LSM12: variants seen among roughly 807,000 people sequenced by gnomAD.
LSM12 encodes LSM12 homolog.
For missense variants in LSM12, 108 were observed against 238.9 expected, an observed-to-expected ratio of 0.45 and a Z score of 3.61; for synonymous variants, 74 against 87.3, an observed-to-expected ratio of 0.85 and a Z score of 0.85.
intron 2 of LSM12, among the ~76,000 whole-genome samples, chr17:44,056,385 CTTGAGGCCAGGAGT>C (rs1471785558): frequency 6.6e-6 from 1 of 151,794 alleles, no homozygotes; most frequent in East Asian, 1.9e-4. Context: ...GGGAGGATCA[CTTGAGGCCAGGAGT>C]TTGAGACCAG....
At chr17:44,058,311 G>C (rs527252260) in intron 2 of LSM12, among the ~76,000 whole-genome samples, 18 of 152,046 alleles carry the variant, frequency 1.2e-4, no homozygotes, top group African/African-American at 4.3e-4. Flanking sequence ...CAAGTCTAAT[G>C]ACTTTAAAGA....
At chr17:44,066,775 A>G (rs554076581), upstream of LSM12, 1 of 706,720 alleles carries the variant, frequency 1.4e-6, no homozygotes, top group South Asian at 6.8e-5. Flanking sequence ...GGGGAATCTG[A>G]AAAGTATTTG....
At chr17:44,057,157 CT>C (rs754049528) in intron 2 of LSM12, among the ~76,000 whole-genome samples, 1,839 of 141,892 alleles carry the variant, frequency 0.013, 16 homozygotes, top group Admixed American at 0.023. Flanking sequence ...CTTTTTTTTT[CT>C]TTTTTTTTTG....
chr17:44,045,601 C>G lies in LSM12; in HGVS notation c.259-5345G>C, dbSNP rs1460888581. 5.7e-4 allele frequency among the ~76,000 whole-genome samples: 87 copies of G among 152,108 alleles called. 1 individual carries two copies. The highest frequency in any genetic ancestry group is 2.0e-3 in the African/African-American group (84 of 41,480). The stretch of plus-strand genomic sequence containing the variant: ...TTTTGTGTTTTCTGAAACAGAGTCT[C>G]ACTCTATCACCCAGGCTGGAATGTA... On this transcript the variant is annotated intron_variant, in intron 2 of 4. Coordinates refer to ENST00000293406, the MANE Select transcript of LSM12 (RefSeq NM_001371445.1).
chr17:44,061,030 G>A (rs1018963694), intron 2 of LSM12, among the ~76,000 whole-genome samples: 16 of 152,092 alleles, frequency 1.1e-4, no homozygotes, highest in Non-Finnish European at 2.1e-4. Flanking sequence ...AATACACTAG[G>A]AATAATGCTG....
intron 2 of LSM12, among the ~76,000 whole-genome samples, chr17:44,048,218 A>T (rs1384474772): frequency 6.6e-6 from 1 of 152,158 alleles, no homozygotes; most frequent in African/African-American, 2.4e-5. Flanking sequence ...GCAGTGGCTC[A>T]TGCTTGTAAT....
chr17:44,043,003 C>G (rs2049515449), intron 2 of LSM12, among the ~76,000 whole-genome samples: 1 of 152,116 alleles, frequency 6.6e-6, no homozygotes, highest in Admixed American at 6.6e-5. Flanking sequence ...ACGCCTGGCT[C>G]CAAGCATAGT....
intron 2 of LSM12, among the ~76,000 whole-genome samples, chr17:44,048,018 AACACACACAC>A (rs57164806): frequency 0.086 from 11,877 of 137,438 alleles, 1,205 homozygotes; most frequent in East Asian, 0.5. Flanking sequence ...GTCCGTATTA[AACACACACAC>A]ACACACACAC....
intron 2 of LSM12, among the ~76,000 whole-genome samples, chr17:44,044,723 G>C (rs1459476166): frequency 6.6e-6 from 1 of 152,166 alleles, no homozygotes; most frequent in African/African-American, 2.4e-5. Context: ...TCAAAATTGA[G>C]GGTGGGGAGA....
chr17:44,065,803 G>A (rs1430739810), intron 1 of LSM12, among the ~76,000 whole-genome samples: 1 of 152,004 alleles, frequency 6.6e-6, no homozygotes, highest in East Asian at 1.9e-4. Context: ...CAGGTTTCCA[G>A]TGCAAACATC....
chr17:44,049,629 A>C (rs1249717214), intron 2 of LSM12, among the ~76,000 whole-genome samples: 1 of 152,194 alleles, frequency 6.6e-6, no homozygotes, highest in East Asian at 1.9e-4. Flanking sequence ...GCACGCAGTG[A>C]CATGGAAGGA....
At chr17:44,065,740 T>C in intron 1 of LSM12, among the ~76,000 whole-genome samples, 1 of 152,124 alleles carries the variant, frequency 6.6e-6, no homozygotes, top group East Asian at 1.9e-4. Context: ...CTCTTTCACC[T>C]GTAACTCACA....
chr17:44,048,557 A>G (rs2144088786), intron 2 of LSM12, among the ~76,000 whole-genome samples: 1 of 152,140 alleles, frequency 6.6e-6, no homozygotes, highest in Admixed American at 6.6e-5. Flanking sequence ...CAATGCAAAC[A>G]TGCTAGCTGC....
Position 44,037,548 on chromosome 17 carries a change from G to C in LSM12, c.369-10C>G. 3 of 1,601,782 alleles carry C rather than the reference G, an allele frequency of 1.9e-6. No homozygotes were observed. The highest frequency in any genetic ancestry group is 2.6e-6 in the Non-Finnish European group (3 of 1,174,726). Reference sequence around the variant, plus strand: ...TTTACAGTCTTTAATGCTGGAAGGAGAAGACAGCAGGCGAAATGTAACCTC... The same window carrying C: ...TTTACAGTCTTTAATGCTGGAAGGACAAGACAGCAGGCGAAATGTAACCTC... On this transcript the variant is annotated splice_polypyrimidine_tract_variant and intron_variant, in intron 3 of 4. Transcript: ENST00000293406.
At chr17:44,048,018 AAC>A (rs57164806) in intron 2 of LSM12, among the ~76,000 whole-genome samples, 37,054 of 136,942 alleles carry the variant, frequency 0.27, 5,004 homozygotes, top group Non-Finnish European at 0.34. Flanking sequence ...GTCCGTATTA[AAC>A]ACACACACAC....
chr17:44,047,318 C>CT (rs1232475176), intron 2 of LSM12, among the ~76,000 whole-genome samples: 1 of 152,096 alleles, frequency 6.6e-6, no homozygotes, highest in Admixed American at 6.6e-5. Flanking sequence ...ACCATCTCAG[C>CT]TCACCACAAC....
In LSM12 at chr17:44,034,387, CTGTAACAAATGGTTCTATGTA is replaced by C. The variant is rs2049394452; in HGVS notation, c.*1800_*1820del. Among the ~76,000 whole-genome samples the C allele has an allele frequency of 6.6e-6, 1 of 152,140 alleles. No individual in the cohort carries two copies. Among genetic ancestry groups the C allele is most frequent in the African/African-American group, 2.4e-5 (1 of 41,422 alleles). ...CGACCATTTGTGCCTCCAAACAGTCCTGTAACAAATGGTTCTATGTATGTGACTACAGCCTTTTCCCCACAC... is the reference window on the plus strand; with the variant it reads ...CGACCATTTGTGCCTCCAAACAGTCCTGTGACTACAGCCTTTTCCCCACAC... On this transcript the variant is annotated 3_prime_UTR_variant, in exon 5 of 5. Coordinates refer to ENST00000293406, the MANE Select transcript of LSM12 (RefSeq NM_001371445.1).
intron 1 of LSM12, among the ~76,000 whole-genome samples, chr17:44,064,406 T>C (rs970087215): frequency 6.6e-6 from 1 of 152,158 alleles, no homozygotes; most frequent in Admixed American, 6.5e-5. Flanking sequence ...TCTCCAACCA[T>C]TTAAGAGCCT....
chr17:44,047,516 G>A (rs1176007528), intron 2 of LSM12, among the ~76,000 whole-genome samples: 1 of 152,038 alleles, frequency 6.6e-6, no homozygotes, highest in East Asian at 1.9e-4. Flanking sequence ...CAAAGTGCTG[G>A]GATTACAGGC....
Sources: allele counts gnomAD v4.1 joint callset (sites outside exome capture counted in the v4.1 genomes callset), GRCh38; gene constraint gnomAD v4.1.1; transcripts MANE v1.5; gene names NCBI Gene and HGNC (gene_info 2026-07-23, HGNC 2026-07-21).